The following ATP11A variants were observed in gnomAD, a reference collection of about 807,000 sequenced individuals.
ATP11A encodes the protein phospholipid-transporting ATPase IH.
In ATP11A, 81 loss-of-function variants were observed where a neutral mutation model predicts 154.4. The observed-to-expected ratio is 0.52, with a 90% CI of 0.44 to 0.63. The LOEUF (loss-of-function observed/expected upper bound fraction) is 0.63, where lower values mean the gene tolerates loss of function less well. Ranked by LOEUF, ATP11A falls within the 30% of genes least tolerant of loss-of-function variation. The probability of loss-of-function intolerance (pLI) is 0.00; values close to 1 mark genes in which losing one functional copy is unlikely to be tolerated. For synonymous variants in ATP11A, 623 were observed against 585.9 expected (o/e 1.06, Z -0.91); for missense variants, 1,316 against 1,474.3 (o/e 0.89, Z 1.76).
Position 112,883,409 on chromosome 13 carries a change from G to T in ATP11A, c.*1543G>T. The T allele has an allele frequency of 2.6e-6, 1 of 387,620 alleles. No individual in the cohort carries two copies. The highest frequency in any genetic ancestry group is 4.6e-6 in the Non-Finnish European group (1 of 219,490). 24.0% of individuals were successfully genotyped at this position (387,620 alleles called of 1,614,324 possible). ...TGCCTTTCAGGAAAGCACCACCAACGCTGGAGGAGGAGCCGGCCCTCACGC... is the reference window on the plus strand; with the variant it reads ...TGCCTTTCAGGAAAGCACCACCAACTCTGGAGGAGGAGCCGGCCCTCACGC... On this transcript the variant is annotated 3_prime_UTR_variant, in exon 30 of 30. Transcript: ENST00000375645.
chr13:112,875,805 ACGTGTTCATCCAGATGCTGTCCAGCGGG>A lies in ATP11A; in HGVS notation c.3193_3220del (p.Val1065ProfsTer10). 6.2e-7 allele frequency: 1 copy of A among 1,613,928 alleles called. No individual in the cohort carries two copies. Among genetic ancestry groups the A allele is most frequent in the Non-Finnish European group, 8.5e-7 (1 of 1,180,008 alleles). On this transcript the variant is annotated frameshift_variant, in exon 28 of 30. Transcript: ENST00000375645. The surrounding 1 kb of genome is among the most constrained non-coding windows in gnomAD (Gnocchi z 4.1). ...TTCCTCAACTACCAGAGGATGTACT[ACGTGTTCATCCAGATGCTGTCCAGCGGG>A]CCCGCCTGGCTGGCCATCGTGCTGC...
chr13:112,783,541 G>C lies in ATP11A; in HGVS notation c.40-1594G>C, dbSNP rs373637907. Among the ~76,000 whole-genome samples, 26 of 152,344 alleles carry C rather than the reference G, an allele frequency of 1.7e-4. No individual in the cohort carries two copies. The East Asian group carries it at 5.0e-3, about 29-fold the overall frequency. ...CCCAGCAGCCAAGGGTCAGCCCTTC[G>C]ACGGCAGTGCCCGCTCGTCCTTCCC... On this transcript the variant is annotated intron_variant, in intron 1 of 29. Transcript: ENST00000375645.
intron 28 of ATP11A, 150 bp downstream of exon 28, chr13:112,876,091 G>A: frequency 2.6e-6 from 2 of 775,014 alleles, no homozygotes; most frequent in South Asian, 3.2e-5. Context: ...GACGGTGCAT[G>A]ATGTTAAACA....
chr13:112,801,180 ACGT>A (rs2078123726), intron 2 of ATP11A, among the ~76,000 whole-genome samples: 1 of 19,378 alleles, frequency 5.2e-5, no homozygotes, highest in Non-Finnish European at 8.1e-5. Flanking sequence ...CCTACAGCTG[ACGT>A]CATACTTAAT....
intron 1 of ATP11A, among the ~76,000 whole-genome samples, chr13:112,741,246 A>C (rs1416788804): frequency 6.6e-6 from 1 of 151,846 alleles, no homozygotes; most frequent in Non-Finnish European, 1.5e-5. Context: ...GGGCAGCCAC[A>C]CTGGGGGTGG....
At chr13:112,771,117 C>G (rs1015388585) in intron 1 of ATP11A, among the ~76,000 whole-genome samples, 7 of 152,208 alleles carry the variant, frequency 4.6e-5, no homozygotes, top group Non-Finnish European at 7.3e-5. Flanking sequence ...TTTAAAAAAT[C>G]TCCTTTGTCC....
At chr13:112,800,881 TA>T (rs1167479317) in intron 2 of ATP11A, among the ~76,000 whole-genome samples, 1 of 152,138 alleles carries the variant, frequency 6.6e-6, no homozygotes, top group Non-Finnish European at 1.5e-5. Context: ...ATTTACAGGC[TA>T]AAAAAGAAAA....
intron 1 of ATP11A, among the ~76,000 whole-genome samples, chr13:112,778,539 C>T (rs375515683): frequency 2.0e-5 from 3 of 152,248 alleles, no homozygotes; most frequent in East Asian, 1.9e-4. Flanking sequence ...TTCAAGGCTA[C>T]GGTGCACTGT....
At chr13:112,814,182 G>A (rs546653046) in intron 5 of ATP11A, among the ~76,000 whole-genome samples, 1 of 152,028 alleles carries the variant, frequency 6.6e-6, no homozygotes, top group East Asian at 1.9e-4. Context: ...TCCTGCCTCA[G>A]CCTCCCAAGT....
intron 16 of ATP11A, among the ~76,000 whole-genome samples, chr13:112,836,641 G>A (rs1358695479): frequency 6.6e-6 from 1 of 152,340 alleles, no homozygotes; most frequent in South Asian, 2.1e-4. Flanking sequence ...TCAAGGAAAA[G>A]GTAATGTGGG....
intron 1 of ATP11A, among the ~76,000 whole-genome samples, chr13:112,776,012 C>T (rs866338974): frequency 4.0e-4 from 61 of 152,350 alleles, no homozygotes; most frequent in African/African-American, 1.4e-3. Flanking sequence ...CCCTCTTCCC[C>T]GGACCCCTTC....
At position 112,838,301 on chromosome 13, in the gene ATP11A, C is replaced by T. The variant is rs1197595153; in HGVS notation, c.1705+2050C>T. ...GGGAAGTTCCTGGTCCATCCCGTCA[C>T]GTGGTTTTCCCCGTAGCAGTCGAAT... On this transcript the variant is annotated intron_variant, in intron 16 of 29. Transcript: ENST00000375645. The surrounding 1 kb of genome is among the most constrained non-coding windows in gnomAD (Gnocchi z 7.3). 2.0e-5 allele frequency among the ~76,000 whole-genome samples: 3 copies of T among 152,290 alleles called. No individual in the cohort carries two copies. The highest frequency in any genetic ancestry group is 1.9e-4 in the East Asian group (1 of 5,178).
rs554418141 is a variant in ATP11A, at chr13:112,807,393, G to A, written c.333+1100G>A. On this transcript the variant is annotated intron_variant, in intron 4 of 29. Transcript: ENST00000375645. This position sits in a 1 kb window ranked among gnomAD's most constrained non-coding sequence, Gnocchi z 4.5. The stretch of plus-strand genomic sequence containing the variant: ...GCTGTCATTGATTAGCAAAGGACTC[G>A]GGCAACCTGGTGTCCCTCCGTAAGG... Among the ~76,000 whole-genome samples the A allele has an allele frequency of 2.0e-5, 3 of 152,290 alleles. No homozygotes were observed. The highest frequency in any genetic ancestry group is 1.3e-4 in the Admixed American group (2 of 15,290).
rs140428971 is a variant in ATP11A at position 112,816,112 on chromosome 13, C to T, written c.471C>T (p.Asp157=). 17 of 1,614,072 alleles carry T rather than the reference C, an allele frequency of 1.1e-5. No individual in the cohort carries two copies. In the South Asian group the frequency reaches 1.1e-4, roughly 10 times the overall value. ...RVGDIVMVKE[D]ETFPCDLIFL... ...GGGACATTGTCATGGTTAAGGAGGA[C>T]GAGACCTTTCCCTGCGACTTGATCT... Residue 157 remains aspartate (D), a synonymous_variant, in exon 6 of 30, where the codon GAC becomes GAT. Coordinates refer to ENST00000375645, the MANE Select transcript of ATP11A (RefSeq NM_015205.3).
chr13:112,716,349 G>T (rs941485727), intron 1 of ATP11A, among the ~76,000 whole-genome samples: 7 of 152,212 alleles, frequency 4.6e-5, no homozygotes, highest in East Asian at 1.9e-4. Context: ...GCCCACCTAG[G>T]TGCGTGTGGC....
intron 1 of ATP11A, among the ~76,000 whole-genome samples, chr13:112,711,935 G>C (rs1453960937): frequency 2.6e-5 from 4 of 152,192 alleles, no homozygotes; most frequent in Non-Finnish European, 5.9e-5. Context: ...GGAGGGGAGA[G>C]GCCTTAGTTA....
intron 1 of ATP11A, among the ~76,000 whole-genome samples, chr13:112,695,459 C>T (rs751034549): frequency 6.6e-6 from 1 of 152,236 alleles, no homozygotes; most frequent in African/African-American, 2.4e-5. Flanking sequence ...TTTGTGTCTA[C>T]ACAAAGGTTG....
chr13:112,751,806 T>G (rs1326316228), intron 1 of ATP11A, among the ~76,000 whole-genome samples: 2 of 151,036 alleles, frequency 1.3e-5, no homozygotes, highest in African/African-American at 4.9e-5. Context: ...CCCGCGTCAC[T>G]GCAGCCTGGT....
At chr13:112,727,801 G>A (rs941851885) in intron 1 of ATP11A, among the ~76,000 whole-genome samples, 4 of 152,264 alleles carry the variant, frequency 2.6e-5, no homozygotes, top group South Asian at 2.1e-4. Context: ...CTCTGGCTTC[G>A]TGCAGCCTGC....
Sources: gnomAD v4.1 joint callset for allele counts (sites outside exome capture counted in the v4.1 genomes callset) on GRCh38, gnomAD v4.1.1 for gene constraint, Gnocchi (gnomAD v3.1) non-coding constraint, MANE v1.5 for transcripts, NCBI Gene and HGNC (gene_info 2026-07-23, HGNC 2026-07-21) for gene names.